The following RAPGEF2 variants were observed in gnomAD, a reference collection of about 807,000 sequenced individuals.
RAPGEF2 encodes the protein Rap guanine nucleotide exchange factor 2.
A neutral mutation model predicts 186.7 loss-of-function variants in RAPGEF2; 54 were observed. The ratio of observed to expected loss-of-function variants is 0.29; its 90% confidence interval spans 0.23 to 0.36. The LOEUF (loss-of-function observed/expected upper bound fraction) is 0.36, where lower values mean the gene tolerates loss of function less well. Ranked by LOEUF, RAPGEF2 falls within the 10% of genes least tolerant of loss-of-function variation. RAPGEF2 has a pLI of 1.00. For missense variants in RAPGEF2, 1,532 were observed against 2,045.0 expected (o/e 0.75, Z 4.84); for synonymous variants, 712 against 705.9 (o/e 1.01, Z -0.14).
At position 159,350,228 on chromosome 4, in the gene RAPGEF2, A is replaced by G; in HGVS notation, c.3804A>G (p.Ile1268Met). Residue 1268 changes from isoleucine (I) to methionine (M), a missense_variant, in exon 26 of 30, where the codon ATA becomes ATG. Coordinates refer to ENST00000691494, the MANE Select transcript of RAPGEF2 (RefSeq NM_001394067.2). Reference protein sequence around the residue: ...ERHKKQAEDTISNASSQLSSP... With the variant: ...ERHKKQAEDTMSNASSQLSSP... ...ACAAGAAACAGGCTGAAGATACAAT[A>G]TCAAATGCATCTTCGCAGCTTTCTT... 2 of 1,600,474 alleles carry G rather than the reference A, an allele frequency of 1.2e-6. No individual in the cohort carries two copies. Among genetic ancestry groups the G allele is most frequent in the South Asian group, 1.1e-5 (1 of 87,482 alleles).
chr4:159,313,294 C>A (rs1764168618), intron 8 of RAPGEF2, among the ~76,000 whole-genome samples: 2 of 152,222 alleles, frequency 1.3e-5, no homozygotes, highest in Non-Finnish European at 2.9e-5. Flanking sequence ...GCGATTAAGA[C>A]TCTGAAGCCA....
At chr4:159,123,662 G>GCGC (rs1257595735) in intron 1 of RAPGEF2, among the ~76,000 whole-genome samples, 1 of 151,024 alleles carries the variant, frequency 6.6e-6, no homozygotes, top group African/African-American at 2.4e-5. Flanking sequence ...GGGACTACAG[G>GCGC]CGCCCACCAC....
At chr4:159,231,471 A>G (rs920456156) in intron 4 of RAPGEF2, among the ~76,000 whole-genome samples, 2 of 152,128 alleles carry the variant, frequency 1.3e-5, no homozygotes, top group Non-Finnish European at 2.9e-5. Context: ...TGAATCATAT[A>G]TCCGTGTGAG....
At chr4:159,159,434 G>T (rs1744468194) in intron 1 of RAPGEF2, among the ~76,000 whole-genome samples, 1 of 143,162 alleles carries the variant, frequency 7.0e-6, no homozygotes, top group African/African-American at 2.6e-5. Context: ...GTTGTTCCAA[G>T]AAAATTCTTT....
chr4:159,318,615 C>T (rs1764880836), intron 9 of RAPGEF2, among the ~76,000 whole-genome samples: 2 of 152,096 alleles, frequency 1.3e-5, no homozygotes, highest in African/African-American at 4.8e-5. Context: ...GGGACTTTAT[C>T]ATATTAATTT....
intron 7 of RAPGEF2, chr4:159,267,934 T>C: frequency 1.5e-6 from 2 of 1,308,476 alleles, no homozygotes; most frequent in African/African-American, 1.5e-5. Context: ...TTCAATGTTA[T>C]AAAAATGGAG....
At chr4:159,200,810 A>T in intron 3 of RAPGEF2, among the ~76,000 whole-genome samples, 1 of 152,262 alleles carries the variant, frequency 6.6e-6, no homozygotes. Flanking sequence ...ATTTCCTTAC[A>T]ATTTAGAACT....
intron 3 of RAPGEF2, among the ~76,000 whole-genome samples, chr4:159,201,390 A>C (rs1749391937): frequency 6.6e-6 from 1 of 152,240 alleles, no homozygotes; most frequent in Non-Finnish European, 1.5e-5. Context: ...AATCCTGTTC[A>C]GCCCAACAAT....
Position 159,103,415 on chromosome 4 carries a change from A to C in RAPGEF2, c.-748A>C, listed in dbSNP as rs548516641. ...GGGAGGCGGCGGCGGCGGAGCCCAC[A>C]GCGGCGGCCCGAGCAGCAGAGGCGG... On this transcript the variant is annotated 5_prime_UTR_variant, in exon 1 of 30. Transcript: ENST00000691494. 1.3e-5 allele frequency: 2 copies of C among 156,690 alleles called. No individual in the cohort carries two copies. Among genetic ancestry groups the C allele is most frequent in the African/African-American group, 4.9e-5 (2 of 41,216 alleles). 9.7% of individuals were successfully genotyped at this position (156,690 alleles called of 1,614,324 possible).
At chr4:159,163,712 C>G (rs1744963140) in intron 1 of RAPGEF2, among the ~76,000 whole-genome samples, 1 of 152,140 alleles carries the variant, frequency 6.6e-6, no homozygotes, top group Admixed American at 6.5e-5. Context: ...AAGTTATTTA[C>G]TGACTCAGCA....
chr4:159,120,981 A>G lies in RAPGEF2; in HGVS notation c.69+16750A>G, dbSNP rs141268308. ...GCGATTCTCCATCCTCTGCCTCCCT[A>G]CTAGCTGGGACTATCGGCACCCACC... On this transcript the variant is annotated intron_variant, in intron 1 of 29. Coordinates refer to ENST00000691494, the MANE Select transcript of RAPGEF2 (RefSeq NM_001394067.2). Among the ~76,000 whole-genome samples, 414 of 151,964 alleles carry G rather than the reference A, an allele frequency of 2.7e-3. 1 individual carries two copies. The highest frequency in any genetic ancestry group is 9.2e-3 in the African/African-American group (383 of 41,422).
At chr4:159,316,565 A>G (rs1764637613) in intron 9 of RAPGEF2, among the ~76,000 whole-genome samples, 1 of 152,130 alleles carries the variant, frequency 6.6e-6, no homozygotes, top group African/African-American at 2.4e-5. Flanking sequence ...AAAAACATGT[A>G]GTATTTGGTT....
At chr4:159,331,904 C>G (rs1021041240) in intron 15 of RAPGEF2, 22 bp from the exon 16 acceptor site, 2 of 1,586,720 alleles carry the variant, frequency 1.3e-6, no homozygotes, top group Non-Finnish European at 8.6e-7. Flanking sequence ...AATTTTGATA[C>G]ATTTTATAAT....
intron 20 of RAPGEF2, among the ~76,000 whole-genome samples, chr4:159,342,616 A>ATTTTATTTTATTTTATTTTATTTTATT (rs1554041277): frequency 8.4e-6 from 1 of 118,344 alleles, no homozygotes; most frequent in African/African-American, 3.2e-5. Context: ...ATTTTATTTT[A>ATTTTATTTTATTTTATTTTATTTTATT]TTACTAGAGG....
chr4:159,348,444 A>G lies in RAPGEF2; in HGVS notation c.3712+1446A>G, dbSNP rs1451273941. Among the ~76,000 whole-genome samples, 3 of 152,272 alleles carry G rather than the reference A, an allele frequency of 2.0e-5. No homozygotes were observed. The East Asian group carries it at 5.8e-4, about 29-fold the overall frequency. ...GTACTCTGTATCCTCACCTCATTCC[A>G]TCTGATCAGCAAGTGTCCTCTTTAT... On this transcript the variant is annotated intron_variant, in intron 25 of 29. Coordinates refer to ENST00000691494, the MANE Select transcript of RAPGEF2 (RefSeq NM_001394067.2).
At chr4:159,130,302 G>C (rs1740884476) in intron 1 of RAPGEF2, among the ~76,000 whole-genome samples, 2 of 152,118 alleles carry the variant, frequency 1.3e-5, no homozygotes, top group Non-Finnish European at 2.9e-5. Context: ...AACCTCCTGG[G>C]AATGCAGTCC....
At chr4:159,216,602 GA>G in intron 4 of RAPGEF2, among the ~76,000 whole-genome samples, 1 of 152,114 alleles carries the variant, frequency 6.6e-6, no homozygotes, top group Non-Finnish European at 1.5e-5. Flanking sequence ...TTTAGGGAGT[GA>G]AATAGTTACA....
At chr4:159,328,368 C>G (rs1766218136) in intron 11 of RAPGEF2, 1 of 152,118 alleles carries the variant, frequency 6.6e-6, no homozygotes, top group Non-Finnish European at 1.5e-5. Flanking sequence ...AATATCAGAG[C>G]TCTAAAGGTA....
At chr4:159,128,505 A>T (rs1262781157) in intron 1 of RAPGEF2, among the ~76,000 whole-genome samples, 1 of 152,148 alleles carries the variant, frequency 6.6e-6, no homozygotes, top group Non-Finnish European at 1.5e-5. Context: ...ATTTATAAAG[A>T]TAATAGGCTA....
Sources: allele counts gnomAD v4.1 joint callset (sites outside exome capture counted in the v4.1 genomes callset), GRCh38; gene constraint gnomAD v4.1.1; transcripts MANE v1.5; gene names NCBI Gene and HGNC (gene_info 2026-07-23, HGNC 2026-07-21).